The following ADGRB3 variants were observed in gnomAD, a reference collection of about 807,000 sequenced individuals.
ADGRB3 encodes adhesion G protein-coupled receptor B3.
Under a neutral mutation model 193.4 loss-of-function variants are expected in ADGRB3, and 37 were observed. The observed-to-expected ratio is 0.19, with a 90% CI of 0.15 to 0.25. ADGRB3 has a LOEUF of 0.25. Ranked by LOEUF, ADGRB3 falls within the 10% of genes least tolerant of loss-of-function variation. ADGRB3 has a pLI of 1.00. For missense variants in ADGRB3, 1,637 were observed against 1,852.9 expected, an observed-to-expected ratio of 0.88 and a Z score of 2.14; for synonymous variants, 690 against 644.2, an observed-to-expected ratio of 1.07 and a Z score of -1.08.
chr6:69,259,756 C>G (rs1766880070), intron 20 of ADGRB3, among the ~76,000 whole-genome samples: 1 of 149,830 alleles, frequency 6.7e-6, no homozygotes, highest in South Asian at 2.1e-4. Context: ...TCCCCTTATT[C>G]TCTATTCGCA....
At position 69,155,057 on chromosome 6, in the gene ADGRB3, A is replaced by T. The variant is rs79667325; in HGVS notation, c.2481-78233A>T. 1.2e-4 allele frequency among the ~76,000 whole-genome samples: 18 copies of T among 152,342 alleles called. No individual in the cohort carries two copies. The East Asian group carries it at 3.5e-3, about 29-fold the overall frequency. On this transcript the variant is annotated intron_variant, in intron 17 of 31. Transcript: ENST00000370598. ...ACATCTGATTATTTAAGTAGCAATGAAAGTCTTAATAGACTTTACAAGTAT... is the reference window on the plus strand; with the variant it reads ...ACATCTGATTATTTAAGTAGCAATGTAAGTCTTAATAGACTTTACAAGTAT...
intron 3 of ADGRB3, among the ~76,000 whole-genome samples, chr6:68,643,243 C>T (rs1768122953): frequency 6.6e-6 from 1 of 152,172 alleles, no homozygotes. Context: ...AAGGAAGTCT[C>T]ACCATAGGCC....
chr6:68,976,045 G>T (rs1393028490), intron 10 of ADGRB3, among the ~76,000 whole-genome samples: 5 of 152,186 alleles, frequency 3.3e-5, no homozygotes, highest in Non-Finnish European at 5.9e-5. Flanking sequence ...ACACTGTAGG[G>T]TGTAGAACAA....
chr6:69,196,292 C>T (rs957209049), intron 17 of ADGRB3, among the ~76,000 whole-genome samples: 1 of 152,070 alleles, frequency 6.6e-6, no homozygotes, highest in African/African-American at 2.4e-5. Flanking sequence ...ATAGATCTGT[C>T]AGGCTGGTCT....
rs140549359 is a variant in ADGRB3 at position 68,932,175 on chromosome 6, G to A, written c.868+1506G>A. ...GGGCATTTCTGCAAGATTAAAAAAG[G>A]TGTATTTTATTTGTGCAAAAGAGAT... On this transcript the variant is annotated intron_variant, in intron 4 of 31. Coordinates refer to ENST00000370598, the MANE Select transcript of ADGRB3 (RefSeq NM_001704.3). Among the ~76,000 whole-genome samples the A allele has an allele frequency of 2.4e-4, 37 of 152,252 alleles. No individual in the cohort carries two copies. In the East Asian group the frequency reaches 6.6e-3, roughly 27 times the overall value.
rs371189585 is a variant in ADGRB3, at chr6:69,239,204, G to C, written c.2792G>C (p.Gly931Ala). 1.3e-6 allele frequency: 2 copies of C among 1,571,198 alleles called. No individual in the cohort carries two copies. Among genetic ancestry groups the C allele is most frequent in the Non-Finnish European group, 1.7e-6 (2 of 1,143,274 alleles). The change falls in exon 20 of 32, where the codon GGA becomes GCA. Residue 931 changes from glycine (G) to alanine (A), a missense_variant. Gly to Ala is a moderately conservative substitution (Grantham distance 60). Around this residue, in one of 7 missense-constraint regions of ADGRB3, gnomAD observed 87 missense variants for 161.0 expected, o/e 0.54. Transcript: ENST00000370598. ...IISSNILILV[G>A]QTQTHNKSIC... is the part of the protein sequence containing the mutation. ...TCATCCAATATCCTCATACTGGTTGGACAGACTCAGACACATAATAAGGTA... is the reference window on the plus strand; with the variant it reads ...TCATCCAATATCCTCATACTGGTTGCACAGACTCAGACACATAATAAGGTA...
At position 69,330,536 on chromosome 6, in the gene ADGRB3, C is replaced by T. The variant is rs759050907; in HGVS notation, c.3066C>T (p.Leu1022=). The change falls in exon 23 of 32, where the codon CTC becomes CTT. Residue 1022 remains leucine, a synonymous_variant. Transcript: ENST00000370598. ...GGCTCTCTCTTGAAGGAGGACTACT[C>T]TATGCTTTTGTGGGACCTGCAGCCG... ...YCWLSLEGGL[L]YAFVGPAAAV... 5 of 1,608,444 alleles carry T rather than the reference C, an allele frequency of 3.1e-6. No homozygotes were observed. In the East Asian group the frequency reaches 6.7e-5, roughly 22 times the overall value.
intron 31 of ADGRB3, among the ~76,000 whole-genome samples, chr6:69,385,516 G>A (rs988541528): frequency 2.6e-5 from 4 of 152,162 alleles, no homozygotes; most frequent in Non-Finnish European, 5.9e-5. Flanking sequence ...TTCTACTGAT[G>A]CAGCTTAAGA....
intron 3 of ADGRB3, among the ~76,000 whole-genome samples, chr6:68,790,675 C>T (rs923180739): frequency 6.6e-6 from 1 of 152,198 alleles, no homozygotes; most frequent in Non-Finnish European, 1.5e-5. Flanking sequence ...CCCAGGTAAA[C>T]AGGGTCTGGA....
At chr6:69,233,503 G>A (rs1307308558) in intron 18 of ADGRB3, 87 bp downstream of exon 18, 17 of 1,520,052 alleles carry the variant, frequency 1.1e-5, no homozygotes, top group African/African-American at 1.7e-5. Context: ...TTTTAAATGG[G>A]GAAATGGAAA....
intron 3 of ADGRB3, among the ~76,000 whole-genome samples, chr6:68,798,354 G>C (rs1767249792): frequency 6.6e-6 from 1 of 152,142 alleles, no homozygotes; most frequent in Non-Finnish European, 1.5e-5. Flanking sequence ...GGAGTTATCA[G>C]GTTAGTAGGG....
chr6:69,250,603 T>C (rs1259707373), intron 20 of ADGRB3, among the ~76,000 whole-genome samples: 1 of 152,188 alleles, frequency 6.6e-6, no homozygotes, highest in Non-Finnish European at 1.5e-5. Context: ...TCAGGGTCTC[T>C]CATGAGACTG....
At chr6:69,119,590 T>A (rs1349273150) in intron 17 of ADGRB3, among the ~76,000 whole-genome samples, 1 of 86,308 alleles carries the variant, frequency 1.2e-5, no homozygotes, top group East Asian at 2.1e-3. Flanking sequence ...AGATCTTTTG[T>A]TTTTGTGTGT....
chr6:69,276,743 G>C (rs1464632795), intron 20 of ADGRB3, among the ~76,000 whole-genome samples: 1 of 152,038 alleles, frequency 6.6e-6, no homozygotes, highest in Non-Finnish European at 1.5e-5. Context: ...TTCGTCACTT[G>C]CCATTCTGAG....
At chr6:69,274,062 C>A (rs1767238570) in intron 20 of ADGRB3, among the ~76,000 whole-genome samples, 2 of 152,022 alleles carry the variant, frequency 1.3e-5, no homozygotes, top group Admixed American at 6.6e-5. Context: ...CCAAGATCAA[C>A]AAATCTCTAT....
intron 30 of ADGRB3, among the ~76,000 whole-genome samples, chr6:69,377,598 G>A (rs984781277): frequency 6.6e-6 from 1 of 151,964 alleles, no homozygotes; most frequent in Non-Finnish European, 1.5e-5. Context: ...GCTGGAAAAC[G>A]TCATTCACAG....
At chr6:69,210,149 C>CATATAT (rs58586306) in intron 17 of ADGRB3, among the ~76,000 whole-genome samples, 4,970 of 78,830 alleles carry the variant, frequency 0.063, 661 homozygotes, top group Admixed American at 0.099. Context: ...TAATATATAT[C>CATATAT]ATATATATAT....
Position 69,075,843 on chromosome 6 carries a change from C to T in ADGRB3, c.2437-152C>T, listed in dbSNP as rs1410214304. 8.1e-6 allele frequency: 5 copies of T among 617,726 alleles called. No homozygotes were observed. The East Asian group carries it at 1.5e-4, about 19-fold the overall frequency. 38.3% of individuals were successfully genotyped at this position (617,726 alleles called of 1,614,324 possible). A position where few individuals can be genotyped will look rare whatever the true frequency, so the allele number is the denominator to read the frequency against. On this transcript the variant is annotated intron_variant, in intron 16 of 31. Coordinates refer to ENST00000370598, the MANE Select transcript of ADGRB3 (RefSeq NM_001704.3). ...CACTAAATCTATGAGAAACGAAATG[C>T]AAATTTCTTATAAATAATTAAAAAG...
At chr6:68,900,553 G>A (rs1766366532) in intron 3 of ADGRB3, among the ~76,000 whole-genome samples, 1 of 152,116 alleles carries the variant, frequency 6.6e-6, no homozygotes, top group South Asian at 2.1e-4. Context: ...CAAGTAGATA[G>A]GATGACCCAT....
Sources: allele counts gnomAD v4.1 joint callset (sites outside exome capture counted in the v4.1 genomes callset), GRCh38; gene constraint gnomAD v4.1.1; regional missense constraint gnomAD v4.1.1; transcripts MANE v1.5; gene names NCBI Gene and HGNC (gene_info 2026-07-23, HGNC 2026-07-21).